The following APBA1 variants were observed in gnomAD, a reference collection of about 807,000 sequenced individuals.
APBA1 encodes amyloid-beta A4 precursor protein-binding family A member 1.
A neutral mutation model predicts 86.6 loss-of-function variants in APBA1; 55 were observed. The observed-to-expected ratio is 0.64, with a 90% CI of 0.51 to 0.80. APBA1 has a LOEUF of 0.80. Among genes scored for constraint, APBA1 ranks in the 30% least tolerant of loss-of-function variants. The pLI, the probability that APBA1 is intolerant of heterozygous loss-of-function variation, is 0.00. For synonymous variants in APBA1, 511 were observed against 493.9 expected (o/e 1.03, Z -0.46); for missense variants, 1,090 against 1,183.0 (o/e 0.92, Z 1.15).
At chr9:69,671,751 C>A (rs959333561) in intron 1 of APBA1, among the ~76,000 whole-genome samples, 1 of 152,134 alleles carries the variant, frequency 6.6e-6, no homozygotes, top group African/African-American at 2.4e-5. Flanking sequence ...GAGAGTCAGC[C>A]GAGAGATGAG....
intron 3 of APBA1, among the ~76,000 whole-genome samples, chr9:69,473,134 T>A (rs1388256669): frequency 6.6e-6 from 1 of 152,136 alleles, no homozygotes; most frequent in Non-Finnish European, 1.5e-5. Flanking sequence ...AATGCATTTA[T>A]GAGAAAATGC....
At chr9:69,638,142 A>T (rs1024122266) in intron 1 of APBA1, among the ~76,000 whole-genome samples, 5 of 152,238 alleles carry the variant, frequency 3.3e-5, no homozygotes, top group Non-Finnish European at 5.9e-5. Context: ...GTTGCTAAAG[A>T]GCTGTATACA....
At chr9:69,603,524 T>C (rs1299279700) in intron 1 of APBA1, among the ~76,000 whole-genome samples, 1 of 152,214 alleles carries the variant, frequency 6.6e-6, no homozygotes, top group African/African-American at 2.4e-5. Context: ...CTTGCTATAA[T>C]CCCTAAGAGA....
chr9:69,611,294 A>C (rs1398584387), intron 1 of APBA1, among the ~76,000 whole-genome samples: 14 of 151,040 alleles, frequency 9.3e-5, no homozygotes, highest in African/African-American at 2.4e-4. Flanking sequence ...GGAAAAAAAA[A>C]AAAAAAAAAA....
chr9:69,605,612 T>C (rs533309711), intron 1 of APBA1, among the ~76,000 whole-genome samples: 1 of 152,352 alleles, frequency 6.6e-6, no homozygotes, highest in African/African-American at 2.4e-5. Context: ...CTGTAAGGCA[T>C]CATTTATAAT....
intron 6 of APBA1, 148 bp downstream of exon 6, chr9:69,458,008 C>A: frequency 1.3e-6 from 1 of 750,276 alleles, no homozygotes; most frequent in Non-Finnish European, 2.1e-6. Context: ...TTTTGAGAAA[C>A]GCTGGCTTAT....
chr9:69,550,177 G>C (rs534441703), intron 1 of APBA1, among the ~76,000 whole-genome samples: 1 of 152,268 alleles, frequency 6.6e-6, no homozygotes, highest in East Asian at 1.9e-4. Context: ...TTATTTAGCT[G>C]TTTTATTATA....
intron 2 of APBA1, among the ~76,000 whole-genome samples, chr9:69,483,820 C>T (rs1835564103): frequency 6.6e-6 from 1 of 152,060 alleles, no homozygotes; most frequent in South Asian, 2.1e-4. Context: ...GCATAAAGAA[C>T]CCCAGACCCC....
intron 1 of APBA1, among the ~76,000 whole-genome samples, chr9:69,648,061 C>T (rs151203113): frequency 3.3e-5 from 5 of 152,250 alleles, no homozygotes; most frequent in Non-Finnish European, 7.4e-5. Context: ...GAAGGTACCT[C>T]GATATCTTTG....
chr9:69,515,703 G>C (rs1836127787), intron 2 of APBA1, among the ~76,000 whole-genome samples: 1 of 108,606 alleles, frequency 9.2e-6, no homozygotes, highest in African/African-American at 3.8e-5. Context: ...GGGGGGGGGG[G>C]GCGGGGGGTG....
intron 11 of APBA1, among the ~76,000 whole-genome samples, chr9:69,433,166 A>G (rs1834635040): frequency 6.6e-6 from 1 of 152,152 alleles, no homozygotes; most frequent in African/African-American, 2.4e-5. Flanking sequence ...GCTGGAGGGG[A>G]GAGACTCCTT....
intron 8 of APBA1, among the ~76,000 whole-genome samples, chr9:69,455,309 G>A (rs1436556557): frequency 6.6e-6 from 1 of 152,086 alleles, no homozygotes; most frequent in Admixed American, 6.5e-5. Flanking sequence ...GGGTGGGTGA[G>A]TTTTCTGCTA....
chr9:69,546,043 C>A lies in APBA1; in HGVS notation c.-69-28764G>T, dbSNP rs146809406. Among the ~76,000 whole-genome samples, 32 of 152,228 alleles carry A rather than the reference C, an allele frequency of 2.1e-4. No individual in the cohort carries two copies. The East Asian group carries it at 6.0e-3, about 28-fold the overall frequency. On this transcript the variant is annotated intron_variant, in intron 1 of 12. Coordinates refer to ENST00000265381, the MANE Select transcript of APBA1 (RefSeq NM_001163.4). ...AAGTATGACAAACTTTGAAATTATA[C>A]AAGATAAATTTACTTTAAAAAATTA...
In APBA1 at chr9:69,560,020, G is replaced by A. The variant is rs368769048; in HGVS notation, c.-69-42741C>T. The stretch of plus-strand genomic sequence containing the variant: ...GGAGTTTCTCAAGTCCCCTTCTTGC[G>A]AAAGGGGCAGCCCTTGAGGAGGTCA... On this transcript the variant is annotated intron_variant, in intron 1 of 12. Coordinates refer to ENST00000265381, the MANE Select transcript of APBA1 (RefSeq NM_001163.4). Among the ~76,000 whole-genome samples, 16 of 152,242 alleles carry A rather than the reference G, an allele frequency of 1.1e-4. No homozygotes were observed. In the South Asian group the frequency reaches 1.5e-3, roughly 14 times the overall value.
intron 10 of APBA1, among the ~76,000 whole-genome samples, chr9:69,447,763 A>G (rs1041148627): frequency 2.6e-5 from 4 of 152,132 alleles, no homozygotes; most frequent in African/African-American, 9.7e-5. Flanking sequence ...TGCTGCCCCG[A>G]AGGCTCAGCA....
intron 1 of APBA1, among the ~76,000 whole-genome samples, chr9:69,556,051 T>A (rs1463017608): frequency 6.6e-6 from 1 of 152,170 alleles, no homozygotes; most frequent in East Asian, 1.9e-4. Context: ...ACTTTCATAT[T>A]TCTAGCTCAA....
intron 4 of APBA1, among the ~76,000 whole-genome samples, chr9:69,469,924 AAAC>A (rs564776745): frequency 6.6e-6 from 1 of 152,228 alleles, no homozygotes; most frequent in Non-Finnish European, 1.5e-5. Flanking sequence ...TGTTAAAAGA[AAAC>A]AAAAATTAAC....
intron 1 of APBA1, among the ~76,000 whole-genome samples, chr9:69,538,866 G>A (rs1056094538): frequency 1.3e-5 from 2 of 152,074 alleles, no homozygotes; most frequent in Non-Finnish European, 2.9e-5. Flanking sequence ...CATTCCAATC[G>A]GGCTCCCATC....
intron 1 of APBA1, among the ~76,000 whole-genome samples, chr9:69,590,626 G>A (rs115643774): frequency 0.018 from 2,708 of 152,226 alleles, 53 homozygotes; most frequent in African/African-American, 0.051. Context: ...CTCCCCAAAC[G>A]ATCTCAAAAG....
Sources: allele counts gnomAD v4.1 joint callset (sites outside exome capture counted in the v4.1 genomes callset), GRCh38; gene constraint gnomAD v4.1.1; transcripts MANE v1.5; gene names NCBI Gene and HGNC (gene_info 2026-07-23, HGNC 2026-07-21).